CCDC171: variants seen among roughly 807,000 people sequenced by gnomAD.
CCDC171 encodes the protein coiled-coil domain-containing protein 171.
In CCDC171, 177 loss-of-function variants were observed where a neutral mutation model predicts 168.2. That is an observed-to-expected ratio of 1.05 (90% confidence interval 0.93 to 1.19). The LOEUF (loss-of-function observed/expected upper bound fraction) is 1.19. CCDC171 is among the 50% of genes most tolerant of loss of function. CCDC171 has a pLI of 0.00. For missense variants in CCDC171, 1,991 were observed against 1,539.0 expected, an observed-to-expected ratio of 1.29 and a Z score of -4.91; for synonymous variants, 687 against 540.8, an observed-to-expected ratio of 1.27 and a Z score of -3.75.
chr9:15,855,636 T>A (rs1373707679), intron 23 of CCDC171, among the ~76,000 whole-genome samples: 1 of 151,936 alleles, frequency 6.6e-6, no homozygotes, highest in Non-Finnish European at 1.5e-5. Flanking sequence ...TTCCTTCTTG[T>A]CTGCATTAGA....
chr9:15,793,348 G>A (rs1279897550), intron 21 of CCDC171, among the ~76,000 whole-genome samples: 1 of 151,858 alleles, frequency 6.6e-6, no homozygotes, highest in Non-Finnish European at 1.5e-5. Context: ...CCTACAAAGA[G>A]ACTTAGACTC....
intron 16 of CCDC171, among the ~76,000 whole-genome samples, chr9:15,739,726 T>A (rs1407498625): frequency 6.7e-6 from 1 of 149,166 alleles, no homozygotes; most frequent in East Asian, 2.0e-4. Context: ...GACAAAATTA[T>A]TTATGTAATA....
At chr9:16,001,336 T>G (rs1205439509) in intron 3 of CCDC171, among the ~76,000 whole-genome samples, 1 of 152,198 alleles carries the variant, frequency 6.6e-6, no homozygotes, top group Non-Finnish European at 1.5e-5. Context: ...CACCCTCAAC[T>G]CAGGCTGCCC....
chr9:15,646,776 AC>A (rs949375290), intron 7 of CCDC171, among the ~76,000 whole-genome samples: 12 of 152,176 alleles, frequency 7.9e-5, no homozygotes, highest in African/African-American at 2.9e-4. Flanking sequence ...CTACAAAAAG[AC>A]TTAGACTCCC....
At chr9:15,762,121 G>C (rs2056477030) in intron 18 of CCDC171, among the ~76,000 whole-genome samples, 1 of 149,440 alleles carries the variant, frequency 6.7e-6, no homozygotes. Context: ...TGTAGTTTAT[G>C]GGTAATTTCT....
At chr9:15,722,777 C>G (rs1162297909) in intron 12 of CCDC171, among the ~76,000 whole-genome samples, 1 of 151,892 alleles carries the variant, frequency 6.6e-6, no homozygotes, top group Non-Finnish European at 1.5e-5. Flanking sequence ...TTTTTAATAC[C>G]CTCGGTAATT....
chr9:15,985,949 C>A lies in CCDC171; in HGVS notation n.369-34640C>A, dbSNP rs143969078. On this transcript the variant is annotated intron_variant and non_coding_transcript_variant, in intron 3 of 9. Coordinates refer to the CCDC171 transcript ENST00000486641. ...ATCAATGGAGAATTTGCAGGGCATTCTTTTTCTTCCCATTATTGGCTAGTC... is the reference window on the plus strand; with the variant it reads ...ATCAATGGAGAATTTGCAGGGCATTATTTTTCTTCCCATTATTGGCTAGTC... Among the ~76,000 whole-genome samples the A allele has an allele frequency of 5.1e-3, 769 of 152,264 alleles. 8 individuals are homozygous for A. Among genetic ancestry groups the A allele is most frequent in the Admixed American group, 8.4e-3 (129 of 15,286 alleles).
chr9:16,048,615 G>A (rs559012134), intron 1 of CCDC171, among the ~76,000 whole-genome samples: 184 of 152,302 alleles, frequency 1.2e-3, no homozygotes, highest in Middle Eastern at 3.4e-3. Context: ...TTGCCATTTA[G>A]TAGCCAGTGT....
At chr9:16,015,507 G>A (rs1203124164) in intron 3 of CCDC171, among the ~76,000 whole-genome samples, 1 of 152,082 alleles carries the variant, frequency 6.6e-6, no homozygotes, top group African/African-American at 2.4e-5. Context: ...AGCCAAGGTG[G>A]TCTCCTCTGT....
chr9:15,613,942 TC>T (rs1338145784), intron 6 of CCDC171, among the ~76,000 whole-genome samples: 2 of 152,248 alleles, frequency 1.3e-5, no homozygotes, highest in Admixed American at 6.5e-5. Flanking sequence ...CAATGAAATC[TC>T]TACTTGGTTT....
At chr9:15,950,189 G>A (rs1193571256) in intron 25 of CCDC171, among the ~76,000 whole-genome samples, 1 of 152,056 alleles carries the variant, frequency 6.6e-6, no homozygotes, top group African/African-American at 2.4e-5. Context: ...GAACCAAGTT[G>A]GAAACACTCT....
At position 15,558,051 on chromosome 9, in the gene CCDC171, C is replaced by A. The variant is rs181112928; in HGVS notation, c.-112+4749C>A. ...GTGATGGATTACGTTTATTGATTTGCGTATGTTGAACCAGCCTTCCATCCC... is the reference window on the plus strand; with the variant it reads ...GTGATGGATTACGTTTATTGATTTGAGTATGTTGAACCAGCCTTCCATCCC... On this transcript the variant is annotated intron_variant, in intron 1 of 25. Transcript: ENST00000380701. 2.9e-3 allele frequency among the ~76,000 whole-genome samples: 437 copies of A among 151,636 alleles called. 2 individuals carry two copies. The highest frequency in any genetic ancestry group is 4.5e-3 in the Non-Finnish European group (303 of 67,824).
chr9:15,972,677 A>G lies in CCDC171; in HGVS notation c.*841A>G, dbSNP rs1488375934. 16 of 152,156 alleles carry G rather than the reference A, an allele frequency of 1.1e-4. No individual in the cohort carries two copies. The highest frequency in any genetic ancestry group is 1.0e-3 in the Admixed American group (16 of 15,266). 9.4% of individuals were successfully genotyped at this position (152,156 alleles called of 1,614,324 possible). ...GGTAATGGCTGTTTTGACCTTCAAAATAGACTCCTTTTTTGTTTTTGTTGT... is the reference window on the plus strand; with the variant it reads ...GGTAATGGCTGTTTTGACCTTCAAAGTAGACTCCTTTTTTGTTTTTGTTGT... On this transcript the variant is annotated 3_prime_UTR_variant, in exon 26 of 26. Transcript: ENST00000380701.
At chr9:16,041,671 G>A (rs1425042487), upstream of CCDC171, among the ~76,000 whole-genome samples, 1 of 152,132 alleles carries the variant, frequency 6.6e-6, no homozygotes, top group Non-Finnish European at 1.5e-5. Context: ...ATGATGTTTG[G>A]ATATTGAAAA....
chr9:15,815,038 A>G (rs2059512226), intron 21 of CCDC171, among the ~76,000 whole-genome samples: 2 of 152,216 alleles, frequency 1.3e-5, no homozygotes, highest in South Asian at 4.1e-4. Context: ...CTTAGGGGGA[A>G]AAAATAAAGA....
At chr9:15,776,071 C>A (rs1474767248) in intron 18 of CCDC171, 1 of 152,096 alleles carries the variant, frequency 6.6e-6, no homozygotes, top group African/African-American at 2.4e-5. Context: ...TTAGTAAATT[C>A]CTTTAACTCA....
intron 21 of CCDC171, among the ~76,000 whole-genome samples, chr9:15,789,681 C>T (rs973865103): frequency 5.9e-5 from 9 of 152,112 alleles, no homozygotes; most frequent in African/African-American, 1.9e-4. Context: ...ATACATGTGC[C>T]ATGTTGATGT....
At chr9:16,062,107 C>T (rs1833938895), downstream of CCDC171, among the ~76,000 whole-genome samples, 1 of 152,148 alleles carries the variant, frequency 6.6e-6, no homozygotes, top group South Asian at 2.1e-4. Context: ...CAGAGAGAAC[C>T]TGTGTTGATG....
chr9:15,928,385 A>G (rs1036708727), intron 25 of CCDC171, among the ~76,000 whole-genome samples: 1 of 151,682 alleles, frequency 6.6e-6, no homozygotes, highest in African/African-American at 2.4e-5. Flanking sequence ...GGATTGAAAG[A>G]TGTCTAGCAT....
Sources: allele counts gnomAD v4.1 joint callset (sites outside exome capture counted in the v4.1 genomes callset), GRCh38; gene constraint gnomAD v4.1.1; transcripts MANE v1.5; gene names NCBI Gene and HGNC (gene_info 2026-07-23, HGNC 2026-07-21).